Variants in PRDM16 observed in about 807,000 individuals in gnomAD.
PRDM16 encodes the protein PR/SET domain 16.
A neutral mutation model predicts 110.6 loss-of-function variants in PRDM16; 23 were observed. The observed-to-expected ratio is 0.21, with a 90% confidence interval of 0.15 to 0.29. The LOEUF is 0.29. PRDM16 is among the 10% of genes least tolerant of loss of function. The probability of loss-of-function intolerance (pLI) is 1.00; values close to 1 mark genes in which losing one functional copy is unlikely to be tolerated. For missense variants in PRDM16, 1,615 were observed against 1,794.3 expected (o/e 0.90, Z 1.81); for synonymous variants, 799 against 781.8 (o/e 1.02, Z -0.37).
intron 1 of PRDM16, among the ~76,000 whole-genome samples, chr1:3,173,943 GGGCCCGTGCTAT>G (rs554483008): frequency 6.1e-4 from 93 of 152,336 alleles, no homozygotes; most frequent in African/African-American, 2.0e-3. Flanking sequence ...GTTCTCGGCC[GGGCCCGTGCTAT>G]GGCCCGTGCT....
intron 3 of PRDM16, among the ~76,000 whole-genome samples, chr1:3,257,101 CA>C (rs1640069026): frequency 2.0e-5 from 3 of 152,308 alleles, no homozygotes; most frequent in Middle Eastern, 6.8e-3. Context: ...TGGCCTGCAG[CA>C]AACACTCAGT....
intron 1 of PRDM16, among the ~76,000 whole-genome samples, chr1:3,134,831 T>C (rs1373807605): frequency 6.6e-6 from 1 of 152,230 alleles, no homozygotes; most frequent in African/African-American, 2.4e-5. Flanking sequence ...GCCTTTTGTT[T>C]GGCAGAGGGG....
intron 12 of PRDM16, among the ~76,000 whole-genome samples, chr1:3,420,460 C>T (rs1193843870): frequency 1.3e-5 from 2 of 152,214 alleles, no homozygotes; most frequent in Non-Finnish European, 1.5e-5. Context: ...CTGGAGAGGT[C>T]GGGCTGACGC....
intron 4 of PRDM16, among the ~76,000 whole-genome samples, chr1:3,389,256 G>A (rs976201694): frequency 1.3e-5 from 2 of 152,170 alleles, no homozygotes; most frequent in African/African-American, 4.8e-5. Context: ...CTGCCCTGCC[G>A]CCTCGCAGTG....
At chr1:3,271,325 C>G (rs1244200779) in intron 3 of PRDM16, among the ~76,000 whole-genome samples, 1 of 152,198 alleles carries the variant, frequency 6.6e-6, no homozygotes, top group African/African-American at 2.4e-5. Flanking sequence ...CAGAGTGAGG[C>G]TTCCTGAAAG....
At chr1:3,335,602 A>AACACAC (rs3036535) in intron 3 of PRDM16, among the ~76,000 whole-genome samples, 9,487 of 144,282 alleles carry the variant, frequency 0.066, 634 homozygotes, top group African/African-American at 0.17. Context: ...CTGAGGTTAA[A>AACACAC]ACACACACAC....
intron 3 of PRDM16, among the ~76,000 whole-genome samples, chr1:3,272,078 G>A (rs986617804): frequency 1.7e-4 from 26 of 152,164 alleles, no homozygotes; most frequent in Non-Finnish European, 2.5e-4. Context: ...AAGAACTTCC[G>A]GTGCTTGCAG....
intron 1 of PRDM16, among the ~76,000 whole-genome samples, chr1:3,159,321 G>A (rs1312184581): frequency 2.0e-5 from 3 of 152,244 alleles, no homozygotes; most frequent in African/African-American, 7.2e-5. Context: ...CTCGCAGACC[G>A]CAGGGCTTGA....
At chr1:3,129,329 T>TCA (rs143892688) in intron 1 of PRDM16, among the ~76,000 whole-genome samples, 1 of 64,600 alleles carries the variant, frequency 1.5e-5, no homozygotes, top group Non-Finnish European at 3.1e-5. Context: ...TGTGTGGGTG[T>TCA]GTGTCCTGCC....
At chr1:3,087,054 T>C (rs1006133447) in intron 1 of PRDM16, among the ~76,000 whole-genome samples, 3 of 152,166 alleles carry the variant, frequency 2.0e-5, no homozygotes, top group African/African-American at 7.2e-5. Flanking sequence ...TCGTAGTTCA[T>C]ATGGAAACGC....
At chr1:3,204,313 C>G (rs1004010001) in intron 2 of PRDM16, among the ~76,000 whole-genome samples, 1 of 152,028 alleles carries the variant, frequency 6.6e-6, no homozygotes, top group Non-Finnish European at 1.5e-5. Flanking sequence ...AACTGTGGAC[C>G]CCGCCTGCTC....
chr1:3,425,975 C>T lies in PRDM16; in HGVS notation c.3110-76C>T, dbSNP rs570391965. 1.5e-3 allele frequency: 2,224 copies of T among 1,492,332 alleles called. No individual in the cohort carries two copies. The highest frequency in any genetic ancestry group is 1.8e-3 in the Non-Finnish European group (2,033 of 1,105,302). 92.4% of individuals were successfully genotyped at this position (1,492,332 alleles called of 1,614,324 possible). ...CCCTAACAGCACCCCAGGTGTACCC[C>T]GTTCGCGGTTGGTTTGCCCCACGGA... On this transcript the variant is annotated intron_variant, in intron 13 of 16. Transcript: ENST00000270722. This position sits in a 1 kb window ranked among gnomAD's most constrained non-coding sequence, Gnocchi z 6.9.
In PRDM16 at chr1:3,236,358, C is replaced by G. The variant is rs991318078; in HGVS notation, c.388-7729C>G. Among the ~76,000 whole-genome samples the G allele has an allele frequency of 3.3e-5, 5 of 152,190 alleles. No homozygotes were observed. In the East Asian group the frequency reaches 9.6e-4, roughly 29 times the overall value. The stretch of plus-strand genomic sequence containing the variant: ...CCCACCCTAGGGCTTCCAGCAGCCT[C>G]GTCCTCTGAGAGGCTCCTGTGACTT... On this transcript the variant is annotated intron_variant, in intron 2 of 16. Transcript: ENST00000270722.
At chr1:3,185,982 C>G (rs1376304988) in intron 1 of PRDM16, 143 bp from the exon 2 acceptor site, 4 of 669,774 alleles carry the variant, frequency 6.0e-6, no homozygotes, top group Non-Finnish European at 1.1e-5. Context: ...GGCAGCGTCT[C>G]CCGGGCAGGG....
At chr1:3,172,321 G>T (rs377296408) in intron 1 of PRDM16, among the ~76,000 whole-genome samples, 20 of 152,194 alleles carry the variant, frequency 1.3e-4, no homozygotes, top group African/African-American at 4.8e-4. Context: ...TTGCCTATAG[G>T]AATGAGAGTC....
chr1:3,424,639 T>C (rs1434135588), intron 12 of PRDM16, among the ~76,000 whole-genome samples: 18 of 152,244 alleles, frequency 1.2e-4, no homozygotes, highest in Admixed American at 1.2e-3. Context: ...GTGGTCTTTG[T>C]GTCCTTAATA....
chr1:3,331,643 G>A (rs1642044289), intron 3 of PRDM16, among the ~76,000 whole-genome samples: 1 of 152,160 alleles, frequency 6.6e-6, no homozygotes, highest in Non-Finnish European at 1.5e-5. Flanking sequence ...CTGCCCAGAG[G>A]AATCCTGGTG....
rs535793828 is a variant in PRDM16 at position 3,175,830 on chromosome 1, A to G, written c.38-10295A>G. On this transcript the variant is annotated intron_variant, in intron 1 of 16. Coordinates refer to ENST00000270722, the MANE Select transcript of PRDM16 (RefSeq NM_022114.4). This position sits in a 1 kb window ranked among gnomAD's most constrained non-coding sequence, Gnocchi z 4.8. ...GAGCCGATCAGGGTCAAGGGCAGAG[A>G]GGAGCCAGGGTTGTGTTAATGGAGC... 6.6e-6 allele frequency among the ~76,000 whole-genome samples: 1 copy of G among 152,282 alleles called. No homozygotes were observed. The highest frequency in any genetic ancestry group is 1.9e-4 in the East Asian group (1 of 5,184).
Position 3,390,764 on chromosome 1 carries a change from C to CA in PRDM16, c.573+5479dup, listed in dbSNP as rs1643285070. 6.6e-6 allele frequency among the ~76,000 whole-genome samples: 1 copy of CA among 152,000 alleles called. No individual in the cohort carries two copies. The highest frequency in any genetic ancestry group is 1.5e-5 in the Non-Finnish European group (1 of 67,998). ...GCGGTTTTAAACAGAGGGCATCCAA[C>CA]ACCCATCATCTTGTTCTGCCCCGAC... On this transcript the variant is annotated intron_variant, in intron 4 of 16. Transcript: ENST00000270722. This position sits in a 1 kb window ranked among gnomAD's most constrained non-coding sequence, Gnocchi z 5.0.
Sources: allele counts gnomAD v4.1 joint callset (sites outside exome capture counted in the v4.1 genomes callset), GRCh38; gene constraint gnomAD v4.1.1; non-coding constraint Gnocchi (gnomAD v3.1); transcripts MANE v1.5; gene names NCBI Gene and HGNC (gene_info 2026-07-23, HGNC 2026-07-21).